The following TNKS variants were observed in gnomAD, a reference collection of about 807,000 sequenced individuals.
TNKS encodes tankyrase.
In TNKS, 72 loss-of-function variants were observed where a neutral mutation model predicts 135.8. That is an observed-to-expected ratio of 0.53 (90% confidence interval 0.44 to 0.64). The LOEUF (loss-of-function observed/expected upper bound fraction) is 0.64. Ranked by LOEUF, TNKS falls within the 30% of genes least tolerant of loss-of-function variation. TNKS has a pLI of 0.00. For missense variants in TNKS, 1,769 were observed against 1,674.0 expected (o/e 1.06, Z -0.99); for synonymous variants, 849 against 649.3 (o/e 1.31, Z -4.68).
chr8:9,616,701 A>G (rs1174535178), intron 3 of TNKS, among the ~76,000 whole-genome samples: 2 of 152,206 alleles, frequency 1.3e-5, no homozygotes, highest in Admixed American at 6.5e-5. Flanking sequence ...GCTAAAATCA[A>G]TATAATTATT....
At chr8:9,579,958 A>T (rs1284312674) in intron 1 of TNKS, among the ~76,000 whole-genome samples, 2 of 152,216 alleles carry the variant, frequency 1.3e-5, no homozygotes, top group Non-Finnish European at 2.9e-5. Flanking sequence ...CAGCCCAAAG[A>T]CTAAAGGAAG....
intron 3 of TNKS, 34 bp downstream of exon 3, chr8:9,615,711 C>A (rs377303228): frequency 2.7e-6 from 4 of 1,499,136 alleles, no homozygotes; most frequent in African/African-American, 2.8e-5. Context: ...ATGATTATAT[C>A]TGTGTAACTC....
intron 2 of TNKS, among the ~76,000 whole-genome samples, chr8:9,595,709 A>G (rs1798758561): frequency 6.6e-6 from 1 of 152,148 alleles, no homozygotes; most frequent in African/African-American, 2.4e-5. Context: ...AAATTTTCAT[A>G]TACTTTTTTA....
At chr8:9,583,164 CAAA>C (rs35527299) in intron 2 of TNKS, among the ~76,000 whole-genome samples, 14,704 of 71,420 alleles carry the variant, frequency 0.21, 750 homozygotes, top group East Asian at 0.33. Context: ...GACTCTGTCT[CAAA>C]AAAAAAAAAA....
intron 5 of TNKS, among the ~76,000 whole-genome samples, chr8:9,702,423 G>T (rs1403878431): frequency 2.0e-5 from 3 of 151,982 alleles, no homozygotes; most frequent in Non-Finnish European, 2.9e-5. Flanking sequence ...CGTATCCACA[G>T]GGGAAAAAAC....
rs533919891 is a variant in TNKS at position 9,761,056 on chromosome 8, C to T, written c.3154-460C>T. Among the ~76,000 whole-genome samples the T allele has an allele frequency of 3.3e-4, 50 of 152,256 alleles. No individual in the cohort carries two copies. The South Asian group carries it at 6.2e-3, about 19-fold the overall frequency. Reference sequence around the variant, plus strand: ...GCACTGAGAAGTTCTTCCTTATCTTCATCTAAAAATTGCTTTCTCCTTTTC... The same window carrying T: ...GCACTGAGAAGTTCTTCCTTATCTTTATCTAAAAATTGCTTTCTCCTTTTC... On this transcript the variant is annotated intron_variant, in intron 20 of 26. Transcript: ENST00000310430.
At chr8:9,566,448 A>C (rs374073143) in intron 1 of TNKS, 2 of 152,128 alleles carry the variant, frequency 1.3e-5, no homozygotes, top group East Asian at 1.9e-4. Context: ...ATAATAAGAT[A>C]ATTTCATTAT....
intron 18 of TNKS, among the ~76,000 whole-genome samples, chr8:9,749,189 C>T (rs1251770277): frequency 2.0e-5 from 3 of 152,178 alleles, no homozygotes; most frequent in Non-Finnish European, 4.4e-5. Context: ...AAAGGAGAAG[C>T]AAAAATTTCG....
At chr8:9,585,536 A>C (rs1174858740) in intron 2 of TNKS, among the ~76,000 whole-genome samples, 1 of 152,168 alleles carries the variant, frequency 6.6e-6, no homozygotes, top group Non-Finnish European at 1.5e-5. Context: ...CTACAGAGGG[A>C]AAAAAATTAG....
intron 5 of TNKS, among the ~76,000 whole-genome samples, chr8:9,692,654 A>G (rs1456811659): frequency 6.6e-5 from 10 of 152,230 alleles, no homozygotes; most frequent in South Asian, 2.1e-4. Flanking sequence ...TAGTCATGTC[A>G]TCTGCAGAAG....
rs148145931 is a variant in TNKS at position 9,618,176 on chromosome 8, G to C, written c.994+2499G>C. On this transcript the variant is annotated intron_variant, in intron 3 of 26. Coordinates refer to ENST00000310430, the MANE Select transcript of TNKS (RefSeq NM_003747.3). Reference sequence around the variant, plus strand: ...TAATTTTTGTATTTTTAGTAGAGACGGGGTTTCACCATGCTGGCCAGGCTG... The same window carrying C: ...TAATTTTTGTATTTTTAGTAGAGACCGGGTTTCACCATGCTGGCCAGGCTG... Among the ~76,000 whole-genome samples the C allele has an allele frequency of 3.2e-4, 48 of 152,068 alleles. 1 individual carries two copies. Among genetic ancestry groups the C allele is most frequent in the African/African-American group, 9.4e-4 (39 of 41,498 alleles).
intron 11 of TNKS, among the ~76,000 whole-genome samples, chr8:9,714,231 A>G (rs1804480930): frequency 6.6e-6 from 1 of 152,092 alleles, no homozygotes; most frequent in Non-Finnish European, 1.5e-5. Flanking sequence ...CATGCTTTTG[A>G]GTTTAGAATC....
chr8:9,730,868 C>T (rs776008222), intron 13 of TNKS, 22 bp from the exon 14 acceptor site: 1 of 1,604,850 alleles, frequency 6.2e-7, no homozygotes, highest in Non-Finnish European at 8.5e-7. Context: ...TTGTGTTTGT[C>T]TTTGTGTGTG....
At chr8:9,726,877 GT>G (rs1302745383) in intron 13 of TNKS, among the ~76,000 whole-genome samples, 157 bp downstream of exon 13, 1 of 152,146 alleles carries the variant, frequency 6.6e-6, no homozygotes, top group Non-Finnish European at 1.5e-5. Flanking sequence ...GGAATTCCCA[GT>G]ATGTGCCTTG....
intron 3 of TNKS, among the ~76,000 whole-genome samples, chr8:9,631,875 C>CT (rs1341452624): frequency 6.6e-6 from 1 of 151,844 alleles, no homozygotes; most frequent in Non-Finnish European, 1.5e-5. Flanking sequence ...GTGATACATG[C>CT]TTTAATGGTT....
At chr8:9,669,275 G>C (rs1327388166) in intron 3 of TNKS, among the ~76,000 whole-genome samples, 3 of 151,430 alleles carry the variant, frequency 2.0e-5, no homozygotes, top group South Asian at 2.1e-4. Flanking sequence ...AAAATTAGCC[G>C]GGCGCGGTGG....
At chr8:9,576,466 C>CTTT (rs915555599) in intron 1 of TNKS, among the ~76,000 whole-genome samples, 70 of 131,498 alleles carry the variant, frequency 5.3e-4, no homozygotes, top group African/African-American at 1.6e-3. Flanking sequence ...CCACCCCCCT[C>CTTT]TTTTTTTTTT....
rs532925752 is a variant in TNKS, at chr8:9,651,243, T to A, written c.995-28708T>A. Among the ~76,000 whole-genome samples the A allele has an allele frequency of 7.4e-4, 113 of 152,296 alleles. 2 individuals carry two copies. The East Asian group carries it at 0.021, about 29-fold the overall frequency. On this transcript the variant is annotated intron_variant, in intron 3 of 26. Coordinates refer to ENST00000310430, the MANE Select transcript of TNKS (RefSeq NM_003747.3). ...AGTGGGGCTCACTTCTGTTGGTTTT[T>A]TTAATCTTTAATTGTGTAATATATA...
At chr8:9,674,966 T>A (rs1268380296) in intron 3 of TNKS, among the ~76,000 whole-genome samples, 1 of 152,172 alleles carries the variant, frequency 6.6e-6, no homozygotes, top group Non-Finnish European at 1.5e-5. Context: ...AAAGAAGGCA[T>A]TGAGAGCTGT....
Sources: allele counts gnomAD v4.1 joint callset (sites outside exome capture counted in the v4.1 genomes callset), GRCh38; gene constraint gnomAD v4.1.1; transcripts MANE v1.5; gene names NCBI Gene and HGNC (gene_info 2026-07-23, HGNC 2026-07-21).